Variants in CNTNAP2 observed in about 807,000 individuals in gnomAD.
The protein encoded by CNTNAP2 is contactin associated protein 2, also known as contactin-associated protein-like 2.
CNTNAP2 carries 98 observed loss-of-function variants against 155.2 expected under a neutral mutation model. The ratio of observed to expected loss-of-function variants is 0.63; its 90% CI spans 0.54 to 0.75. The LOEUF (loss-of-function observed/expected upper bound fraction) is 0.75. CNTNAP2 is among the 30% of genes least tolerant of loss of function. The pLI is 0.00. For synonymous variants in CNTNAP2, 651 were observed against 631.2 expected, an observed-to-expected ratio of 1.03 and a Z score of -0.47; for missense variants, 1,727 against 1,688.1, an observed-to-expected ratio of 1.02 and a Z score of -0.40.
At chr7:146,566,066 G>T (rs1342536509) in intron 1 of CNTNAP2, among the ~76,000 whole-genome samples, 12 of 152,226 alleles carry the variant, frequency 7.9e-5, no homozygotes, top group Admixed American at 7.9e-4. Flanking sequence ...GGCACAGTGG[G>T]CCAGACCCCC....
At position 146,773,412 on chromosome 7, in the gene CNTNAP2, T is replaced by G. The variant is rs1585083655; in HGVS notation, c.98-859T>G. On this transcript the variant is annotated intron_variant, in intron 1 of 23. Transcript: ENST00000361727. Reference sequence around the variant, plus strand: ...TCTAGTTCTTTCTTTCTTTGATTTTTGAGACGGAGTTTTGCTGTTGTTGCC... The same window carrying G: ...TCTAGTTCTTTCTTTCTTTGATTTTGGAGACGGAGTTTTGCTGTTGTTGCC... Among the ~76,000 whole-genome samples, 4 of 152,350 alleles carry G rather than the reference T, an allele frequency of 2.6e-5. No individual in the cohort carries two copies. In the East Asian group the frequency reaches 7.7e-4, roughly 29 times the overall value.
At chr7:148,150,449 G>A (rs906538725) in intron 17 of CNTNAP2, among the ~76,000 whole-genome samples, 1 of 152,214 alleles carries the variant, frequency 6.6e-6, no homozygotes, top group East Asian at 1.9e-4. Context: ...TCAGGAGGCT[G>A]AGGCAGGAGA....
chr7:147,360,982 A>G (rs897421176), intron 9 of CNTNAP2, among the ~76,000 whole-genome samples: 12 of 152,214 alleles, frequency 7.9e-5, no homozygotes, highest in African/African-American at 2.9e-4. Flanking sequence ...GCCCAAAACA[A>G]CAACCAAAGG....
chr7:147,803,503 TG>T (rs763194818), intron 13 of CNTNAP2, among the ~76,000 whole-genome samples: 1 of 152,190 alleles, frequency 6.6e-6, no homozygotes, highest in Non-Finnish European at 1.5e-5. Flanking sequence ...TAGGGAGTCT[TG>T]CCTTGTCATT....
At chr7:148,142,214 G>A (rs775609043) in intron 16 of CNTNAP2, among the ~76,000 whole-genome samples, 6 of 151,602 alleles carry the variant, frequency 4.0e-5, no homozygotes, top group Admixed American at 6.6e-5. Flanking sequence ...ATGGCATCCC[G>A]TGTATAGGTG....
intron 3 of CNTNAP2, among the ~76,000 whole-genome samples, chr7:146,973,913 C>A (rs1458876868): frequency 1.3e-5 from 2 of 152,160 alleles, no homozygotes; most frequent in African/African-American, 4.8e-5. Flanking sequence ...ATGAATTGAG[C>A]TCAGGCCCCA....
chr7:148,383,730 A>G lies in CNTNAP2; in HGVS notation c.3557A>G (p.Gln1186Arg), dbSNP rs1563066647. The G allele has an allele frequency of 6.2e-7, 1 of 1,614,234 alleles. No individual in the cohort carries two copies. Among genetic ancestry groups the G allele is most frequent in the African/African-American group, 1.3e-5 (1 of 75,068 alleles). ...TGCCTCTCCAGAGTCCAGTTCAACC[A>G]GATCGCCCCTCTCAAGGCCGCCTTG... is the stretch of plus-strand genomic sequence containing the variant. ...TGCLSRVQFN[Q>R]IAPLKAALRQ... Residue 1186 changes from glutamine (Q) to arginine (R), a missense_variant, in exon 22 of 24, where the codon CAG becomes CGG. Coordinates refer to ENST00000361727, the MANE Select transcript of CNTNAP2 (RefSeq NM_014141.6).
chr7:146,700,544 TA>T lies in CNTNAP2; in HGVS notation c.98-73722del, dbSNP rs10712104. 6.3e-3 allele frequency among the ~76,000 whole-genome samples: 965 copies of T among 152,200 alleles called. 10 individuals are homozygous for T. The highest frequency in any genetic ancestry group is 0.022 in the African/African-American group (923 of 41,530). On this transcript the variant is annotated intron_variant, in intron 1 of 23. Transcript: ENST00000361727. ...TAAAGGCATTGTACATGTATGTTTATAAAAACTACCTGTGACAATGAAAAAG... is the reference window on the plus strand; with the variant it reads ...TAAAGGCATTGTACATGTATGTTTATAAAACTACCTGTGACAATGAAAAAG...
At chr7:146,961,530 C>A (rs1797558509) in intron 3 of CNTNAP2, among the ~76,000 whole-genome samples, 1 of 151,998 alleles carries the variant, frequency 6.6e-6, no homozygotes, top group East Asian at 1.9e-4. Flanking sequence ...ATTTTTACAC[C>A]CTCTACCCTG....
At chr7:146,511,600 A>G (rs534010898) in intron 1 of CNTNAP2, among the ~76,000 whole-genome samples, 1 of 152,350 alleles carries the variant, frequency 6.6e-6, no homozygotes, top group Non-Finnish European at 1.5e-5. Context: ...AAATATGTTG[A>G]ACCATCTTTG....
At chr7:146,804,348 A>G (rs1343984040) in intron 2 of CNTNAP2, among the ~76,000 whole-genome samples, 1 of 152,190 alleles carries the variant, frequency 6.6e-6, no homozygotes, top group Non-Finnish European at 1.5e-5. Context: ...TTATTCTGTC[A>G]TCAGGATTCC....
intron 8 of CNTNAP2, among the ~76,000 whole-genome samples, chr7:147,260,895 G>T (rs1371648999): frequency 5.9e-5 from 9 of 152,140 alleles, no homozygotes; most frequent in African/African-American, 1.7e-4. Context: ...TAAATACTTG[G>T]CACTCACTCC....
At chr7:146,389,014 A>C (rs1795501753) in intron 1 of CNTNAP2, among the ~76,000 whole-genome samples, 1 of 152,306 alleles carries the variant, frequency 6.6e-6, no homozygotes, top group Non-Finnish European at 1.5e-5. Context: ...GGCTTTCCAA[A>C]CAAATTAATA....
chr7:146,441,443 T>A lies in CNTNAP2; in HGVS notation c.97+324470T>A, dbSNP rs1381881973. On this transcript the variant is annotated intron_variant, in intron 1 of 23. Transcript: ENST00000361727. ...TTTGGTCTTCGATTACAGATACACA[T>A]CAACTCTCTTCCCTGCCCACCTGTT... 2.6e-5 allele frequency among the ~76,000 whole-genome samples: 4 copies of A among 151,478 alleles called. 1 individual carries two copies. Among genetic ancestry groups the A allele is most frequent in the African/African-American group, 9.8e-5 (4 of 40,760 alleles).
intron 9 of CNTNAP2, among the ~76,000 whole-genome samples, chr7:147,375,807 C>A (rs1334170963): frequency 1.3e-5 from 2 of 151,956 alleles, no homozygotes; most frequent in African/African-American, 4.8e-5. Context: ...ACGTTTCAGC[C>A]TTTATACTTT....
chr7:148,396,290 T>C (rs1799466606), intron 22 of CNTNAP2, among the ~76,000 whole-genome samples: 1 of 152,192 alleles, frequency 6.6e-6, no homozygotes, highest in East Asian at 1.9e-4. Context: ...TTGACTTGTG[T>C]GTCTTTCCTT....
chr7:147,642,207 A>G (rs555385882), intron 13 of CNTNAP2, among the ~76,000 whole-genome samples: 1 of 152,186 alleles, frequency 6.6e-6, no homozygotes, highest in African/African-American at 2.4e-5. Flanking sequence ...GTCCTGGGGT[A>G]GGGGTGGAGG....
At chr7:146,948,305 A>T (rs1335942830) in intron 3 of CNTNAP2, among the ~76,000 whole-genome samples, 1 of 152,232 alleles carries the variant, frequency 6.6e-6, no homozygotes, top group African/African-American at 2.4e-5. Flanking sequence ...AAAGCCTAAA[A>T]TAAAGACAGA....
In CNTNAP2 at chr7:148,419,513, C is replaced by T. The variant is rs745873117; in HGVS notation, c.*3897C>T. The T allele has an allele frequency of 2.0e-5, 3 of 152,054 alleles. No homozygotes were observed. Among genetic ancestry groups the T allele is most frequent in the Non-Finnish European group, 4.4e-5 (3 of 68,056 alleles). The allele number at this position is 152,054 out of a possible 1,614,324, so 9.4% of individuals were successfully genotyped here. A position where few individuals can be genotyped will look rare whatever the true frequency, so the allele number is the denominator to read the frequency against. On this transcript the variant is annotated 3_prime_UTR_variant, in exon 24 of 24. Coordinates refer to ENST00000361727, the MANE Select transcript of CNTNAP2 (RefSeq NM_014141.6). ...GGCGCAATCTCGGGCTCACTGCAACCTCCTCCTCCTCCCACATTGAGGCGA... is the reference window on the plus strand; with the variant it reads ...GGCGCAATCTCGGGCTCACTGCAACTTCCTCCTCCTCCCACATTGAGGCGA...
Sources: allele counts gnomAD v4.1 joint callset (sites outside exome capture counted in the v4.1 genomes callset), GRCh38; gene constraint gnomAD v4.1.1; transcripts MANE v1.5; gene names NCBI Gene and HGNC (gene_info 2026-07-23, HGNC 2026-07-21).